MAF: variants seen among roughly 807,000 people sequenced by gnomAD.
The protein encoded by MAF is transcription factor Maf.
Under a neutral mutation model 22.0 loss-of-function variants are expected in MAF, and 10 were observed. The ratio of observed to expected loss-of-function variants is 0.45; its 90% CI spans 0.28 to 0.77. The LOEUF (loss-of-function observed/expected upper bound fraction) is 0.77, where lower values mean the gene tolerates loss of function less well. Among genes scored for constraint, MAF ranks in the 30% least tolerant of loss-of-function variants. The pLI, the probability that MAF is intolerant of heterozygous loss-of-function variation, is 0.12. For missense variants in MAF, 544 were observed against 548.4 expected (o/e 0.99, Z 0.08); for synonymous variants, 337 against 255.8 (o/e 1.32, Z -3.03).
At chr16:79,342,264 G>T in the MAF span, among the ~76,000 whole-genome samples, 1 of 152,142 alleles carries the variant, frequency 6.6e-6, no homozygotes. Flanking sequence ...TCTTGAATCT[G>T]CTCTACAAGT....
the MAF span, among the ~76,000 whole-genome samples, chr16:79,580,547 G>C: frequency 6.6e-6 from 1 of 152,134 alleles, no homozygotes; most frequent in African/African-American, 2.4e-5. Flanking sequence ...GGAAAGAATG[G>C]GATGCCAGGG....
chr16:79,289,825 T>C, the MAF span, among the ~76,000 whole-genome samples: 1 of 148,894 alleles, frequency 6.7e-6, no homozygotes. Context: ...CCCTCAGGGA[T>C]GAACAAAAGG....
At chr16:79,367,460 G>C in the MAF span, among the ~76,000 whole-genome samples, 2 of 152,130 alleles carry the variant, frequency 1.3e-5, no homozygotes, top group African/African-American at 4.8e-5. Flanking sequence ...AATTCACTGG[G>C]GTCTAGGCTT....
At chr16:79,471,198 A>G in the MAF span, among the ~76,000 whole-genome samples, 8 of 152,228 alleles carry the variant, frequency 5.3e-5, no homozygotes, top group African/African-American at 1.9e-4. Context: ...CAGAAGGAGC[A>G]AGTTCCTGTG....
chr16:79,209,490 A>G, the MAF span, among the ~76,000 whole-genome samples: 4 of 152,326 alleles, frequency 2.6e-5, no homozygotes, highest in African/African-American at 9.6e-5. Flanking sequence ...TGAATGCTGA[A>G]TAGTATAACC....
At chr16:79,495,791 A>T in the MAF span, among the ~76,000 whole-genome samples, 1 of 152,202 alleles carries the variant, frequency 6.6e-6, no homozygotes, top group South Asian at 2.1e-4. Context: ...AACAGTCTCT[A>T]CACTGGTCCA....
the MAF span, among the ~76,000 whole-genome samples, chr16:79,433,827 G>T: frequency 4.6e-5 from 7 of 152,168 alleles, no homozygotes; most frequent in African/African-American, 1.4e-4. Flanking sequence ...TAAAAATCCA[G>T]ATTTTGTTTC....
the MAF span, among the ~76,000 whole-genome samples, chr16:79,377,751 G>C: frequency 1.3e-5 from 2 of 152,166 alleles, no homozygotes; most frequent in Non-Finnish European, 2.9e-5. Context: ...CATATGGCTA[G>C]CCAGTTTTCC....
At chr16:79,393,607 T>G in the MAF span, among the ~76,000 whole-genome samples, 1 of 152,144 alleles carries the variant, frequency 6.6e-6, no homozygotes, top group African/African-American at 2.4e-5. Context: ...AGCCCCTGGG[T>G]GCAGCAAGGT....
At chr16:79,355,427 A>AGAAGTGGCTCT in the MAF span, among the ~76,000 whole-genome samples, 1 of 152,194 alleles carries the variant, frequency 6.6e-6, no homozygotes, top group Non-Finnish European at 1.5e-5. Context: ...ACAGTTAAAG[A>AGAAGTGGCTCT]GAAGTGGCTC....
At chr16:79,240,628 T>C in the MAF span, among the ~76,000 whole-genome samples, 15 of 150,692 alleles carry the variant, frequency 1.0e-4, no homozygotes, top group Non-Finnish European at 1.3e-4. Context: ...TTCAGCAGAC[T>C]TAAACGACCT....
At chr16:79,475,286 T>C in the MAF span, among the ~76,000 whole-genome samples, 23 of 151,498 alleles carry the variant, frequency 1.5e-4, no homozygotes, top group African/African-American at 5.3e-4. Context: ...AATATATATA[T>C]TATTAATTAA....
chr16:79,385,858 G>T, the MAF span, among the ~76,000 whole-genome samples: 8 of 152,184 alleles, frequency 5.3e-5, no homozygotes, highest in African/African-American at 1.9e-4. Flanking sequence ...AGTGAGCCAA[G>T]ATAGTGCCAC....
the MAF span, among the ~76,000 whole-genome samples, chr16:79,280,198 G>A: frequency 6.6e-6 from 1 of 152,232 alleles, no homozygotes; most frequent in Non-Finnish European, 1.5e-5. Flanking sequence ...GCACGTGTTG[G>A]TTAACCGGGC....
chr16:79,475,632 G>A, the MAF span, among the ~76,000 whole-genome samples: 2 of 152,082 alleles, frequency 1.3e-5, no homozygotes, highest in Non-Finnish European at 2.9e-5. Flanking sequence ...TATTCATAAG[G>A]GTGTGGGTTA....
chr16:79,447,070 A>G, the MAF span, among the ~76,000 whole-genome samples: 1 of 52,346 alleles, frequency 1.9e-5, no homozygotes, highest in Non-Finnish European at 5.4e-5. Context: ...CACTACATAC[A>G]TGAGCAAAAT....
At chr16:79,281,078 G>C in the MAF span, among the ~76,000 whole-genome samples, 1 of 152,174 alleles carries the variant, frequency 6.6e-6, no homozygotes, top group Non-Finnish European at 1.5e-5. Context: ...CAGAGAGGAA[G>C]AGGAAGAAGA....
the MAF span, among the ~76,000 whole-genome samples, chr16:79,562,229 T>A: frequency 6.6e-6 from 1 of 152,230 alleles, no homozygotes; most frequent in African/African-American, 2.4e-5. Context: ...GTACTTGGCA[T>A]AATTGTAATG....
chr16:79,572,489 T>G, the MAF span, among the ~76,000 whole-genome samples: 9 of 152,178 alleles, frequency 5.9e-5, no homozygotes, highest in Non-Finnish European at 1.3e-4. Context: ...CACATACGTC[T>G]CTTTTATCTG....
Sources: gnomAD v4.1 joint callset for allele counts (sites outside exome capture counted in the v4.1 genomes callset) on GRCh38, gnomAD v4.1.1 for gene constraint, MANE v1.5 for transcripts, NCBI Gene and HGNC (gene_info 2026-07-23, HGNC 2026-07-21) for gene names.